The following KATNAL1 variants were observed in gnomAD, a reference collection of about 807,000 sequenced individuals.
KATNAL1 encodes katanin p60 ATPase-containing subunit A-like 1.
A neutral mutation model predicts 55.2 loss-of-function variants in KATNAL1; 32 were observed. The ratio of observed to expected loss-of-function variants is 0.58; its 90% CI spans 0.44 to 0.78. The LOEUF (loss-of-function observed/expected upper bound fraction) is 0.78, where lower values mean the gene tolerates loss of function less well. KATNAL1 is among the 30% of genes least tolerant of loss of function. KATNAL1 has a pLI of 0.00. For missense variants in KATNAL1, 466 were observed against 600.9 expected (o/e 0.78, Z 2.35); for synonymous variants, 193 against 193.6 (o/e 1.00, Z 0.02).
intron 1 of KATNAL1, chr13:30,296,342 C>T (rs1233832400): frequency 1.0e-5 from 12 of 1,154,850 alleles, no homozygotes; most frequent in African/African-American, 1.5e-5. Flanking sequence ...CGAGGACTTC[C>T]GCAAGCTGGG....
intron 1 of KATNAL1, among the ~76,000 whole-genome samples, chr13:30,293,101 A>T (rs1328339627): frequency 1.3e-5 from 2 of 151,982 alleles, no homozygotes; most frequent in Non-Finnish European, 2.9e-5. Context: ...GAATTATTAA[A>T]ATTTCTTTCC....
chr13:30,219,112 A>T (rs528231188), intron 9 of KATNAL1, among the ~76,000 whole-genome samples: 1 of 152,316 alleles, frequency 6.6e-6, no homozygotes, highest in South Asian at 2.1e-4. Flanking sequence ...GCCTTTTTCA[A>T]ATAAAAATTC....
intron 3 of KATNAL1, among the ~76,000 whole-genome samples, chr13:30,257,391 T>A (rs1878883826): frequency 6.6e-6 from 1 of 152,192 alleles, no homozygotes; most frequent in Non-Finnish European, 1.5e-5. Flanking sequence ...AATAGTCTGT[T>A]TTCTTTGTGG....
At chr13:30,302,304 T>C (rs567386890) in intron 1 of KATNAL1, among the ~76,000 whole-genome samples, 1 of 152,302 alleles carries the variant, frequency 6.6e-6, no homozygotes, top group South Asian at 2.1e-4. Flanking sequence ...AGAAACAATG[T>C]AAGGCCACGT....
intron 3 of KATNAL1, among the ~76,000 whole-genome samples, chr13:30,270,089 C>T (rs1477758298): frequency 2.4e-4 from 32 of 135,104 alleles, no homozygotes; most frequent in Non-Finnish European, 3.5e-4. Flanking sequence ...GGTCAGCCCC[C>T]CGCCCGGCCA....
rs542792757 is a variant in KATNAL1 at position 30,302,663 on chromosome 13, G to T, written c.-15+4668C>A. Among the ~76,000 whole-genome samples the T allele has an allele frequency of 1.2e-3, 180 of 152,256 alleles. 2 individuals carry two copies. The highest frequency in any genetic ancestry group is 4.2e-3 in the African/African-American group (175 of 41,554). ...AAACACGTAAAAGCTAAGAAAATAAGAAATAAAATACATTGTTTTTTGGAG... is the reference window on the plus strand; with the variant it reads ...AAACACGTAAAAGCTAAGAAAATAATAAATAAAATACATTGTTTTTTGGAG... On this transcript the variant is annotated intron_variant, in intron 1 of 10. Transcript: ENST00000380615.
rs753787465 is a variant in KATNAL1 at position 30,240,569 on chromosome 13, T to C, written c.621-4A>G. 1 of 1,595,306 alleles carries C rather than the reference T, an allele frequency of 6.3e-7. No individual in the cohort carries two copies. Among genetic ancestry groups the C allele is most frequent in the Non-Finnish European group, 8.6e-7 (1 of 1,163,528 alleles). The stretch of plus-strand genomic sequence containing the variant: ...TTCCAGATCTGCTATGTCATCCCTT[T>C]GAAAGAACAGCAAACTTTCATAATG... On this transcript the variant is annotated splice_polypyrimidine_tract_variant and splice_region_variant and intron_variant, in intron 5 of 10. Transcript: ENST00000380615.
intron 4 of KATNAL1, among the ~76,000 whole-genome samples, chr13:30,241,633 C>A (rs1877290221): frequency 1.3e-5 from 2 of 152,172 alleles, no homozygotes; most frequent in Non-Finnish European, 2.9e-5. Context: ...GGAAATACTT[C>A]AGCAAGCACA....
At chr13:30,237,849 C>A (rs1048447691) in intron 6 of KATNAL1, among the ~76,000 whole-genome samples, 2 of 152,232 alleles carry the variant, frequency 1.3e-5, no homozygotes, top group East Asian at 1.9e-4. Context: ...ATGTTATCAT[C>A]ACTATTTTGC....
intron 1 of KATNAL1, chr13:30,296,267 T>C: frequency 8.4e-7 from 1 of 1,190,874 alleles, no homozygotes; most frequent in Non-Finnish European, 1.2e-6. Context: ...CGTGGTCCTC[T>C]TTTTCTACCC....
intron 3 of KATNAL1, among the ~76,000 whole-genome samples, chr13:30,265,805 G>A (rs570831274): frequency 1.3e-4 from 20 of 151,236 alleles, no homozygotes; most frequent in African/African-American, 4.8e-4. Context: ...GAGGTCAGGA[G>A]TTCGAGACCA....
rs949331512 is a variant in KATNAL1, at chr13:30,256,719, T to C, written c.324-1104A>G. 3.3e-5 allele frequency among the ~76,000 whole-genome samples: 5 copies of C among 151,210 alleles called. No individual in the cohort carries two copies. In the East Asian group the frequency reaches 9.7e-4, roughly 29 times the overall value. On this transcript the variant is annotated intron_variant, in intron 3 of 10. Transcript: ENST00000380615. ...AAAAAGAAAAAAAAAGAAAAAAAAA[T>C]GTGTTAACATGTTGTGAGTCTGATA...
In KATNAL1 at chr13:30,203,710, T is replaced by C. The variant is rs1441152507; in HGVS notation, c.*4830A>G. 6.6e-6 allele frequency: 1 copy of C among 152,138 alleles called. No individual in the cohort carries two copies. The highest frequency in any genetic ancestry group is 1.5e-5 in the Non-Finnish European group (1 of 68,012). The allele number at this position is 152,138 out of a possible 1,614,324, so 9.4% of individuals were successfully genotyped here. On this transcript the variant is annotated 3_prime_UTR_variant, in exon 11 of 11. Coordinates refer to ENST00000380615, the MANE Select transcript of KATNAL1 (RefSeq NM_032116.5). The stretch of plus-strand genomic sequence containing the variant: ...TTTCCTGTTTTTATTAATAAGTCAC[T>C]GGGAATTTAGAAATATCATTAAAGC...
In KATNAL1 at chr13:30,240,494, G is replaced by A. The variant is rs777282797; in HGVS notation, c.692C>T (p.Pro231Leu). Residue 231 changes from proline to leucine, a missense_variant, in exon 6 of 11, where the codon CCT becomes CTT. This residue lies in a region of KATNAL1 where 5 missense variants were observed against 16.7 expected (regional missense o/e 0.30). Transcript: ENST00000380615. ...REAVVLPMWM[P>L]DFFKGIRRPW... is the part of the protein sequence containing the mutation. The stretch of plus-strand genomic sequence containing the variant: ...CCTTCTAATCCCTTTGAAAAAGTCA[G>A]GCATCCACATTGGAAGAACAACAGC... 3 of 1,613,534 alleles carry A rather than the reference G, an allele frequency of 1.9e-6. No individual in the cohort carries two copies.
chr13:30,240,723 T>G (rs1877183583), intron 5 of KATNAL1, among the ~76,000 whole-genome samples, 158 bp from the exon 6 acceptor site: 1 of 152,232 alleles, frequency 6.6e-6, no homozygotes, highest in Non-Finnish European at 1.5e-5. Flanking sequence ...AAAACATTAG[T>G]TATTAATGAG....
intron 10 of KATNAL1, 105 bp from the exon 11 acceptor site, chr13:30,208,843 T>G (rs960572890): frequency 1.3e-5 from 10 of 798,230 alleles, no homozygotes; most frequent in Non-Finnish European, 1.9e-5. Context: ...ATTTTATATG[T>G]TTTTATGAGG....
chr13:30,215,331 C>G (rs60564549), intron 9 of KATNAL1, among the ~76,000 whole-genome samples: 2 of 152,068 alleles, frequency 1.3e-5, no homozygotes, highest in Admixed American at 6.6e-5. Context: ...TTGATGGGAC[C>G]GTAAACTAGT....
intron 9 of KATNAL1, among the ~76,000 whole-genome samples, chr13:30,214,478 C>A (rs1169511411): frequency 6.6e-6 from 1 of 152,058 alleles, no homozygotes; most frequent in Non-Finnish European, 1.5e-5. Context: ...AATCCTAAGC[C>A]AAAAGAACAA....
chr13:30,269,876 G>A (rs1360023906), intron 3 of KATNAL1, among the ~76,000 whole-genome samples: 14 of 151,072 alleles, frequency 9.3e-5, no homozygotes, highest in Non-Finnish European at 1.6e-4. Flanking sequence ...GTCTCCGCCC[G>A]GCAGCCACCC....
Sources: allele counts gnomAD v4.1 joint callset (sites outside exome capture counted in the v4.1 genomes callset), GRCh38; gene constraint gnomAD v4.1.1; regional missense constraint gnomAD v4.1.1; transcripts MANE v1.5; gene names NCBI Gene and HGNC (gene_info 2026-07-23, HGNC 2026-07-21).